EYA1: variants seen among roughly 807,000 people sequenced by gnomAD.
The protein encoded by EYA1 is protein phosphatase EYA1.
EYA1 carries 16 observed loss-of-function variants against 82.0 expected under a neutral mutation model. The observed-to-expected ratio is 0.20, with a 90% CI of 0.13 to 0.30. The LOEUF (loss-of-function observed/expected upper bound fraction) is 0.30, where lower values mean the gene tolerates loss of function less well. Among genes scored for constraint, EYA1 ranks in the 10% least tolerant of loss-of-function variants. EYA1 has a pLI of 1.00. For missense variants in EYA1, 633 were observed against 730.7 expected (o/e 0.87, Z 1.54); for synonymous variants, 261 against 264.4 (o/e 0.99, Z 0.12).
intron 2 of EYA1, 51 bp from the exon 3 acceptor site, chr8:71,354,960 AC>A: frequency 6.3e-7 from 1 of 1,584,226 alleles, no homozygotes; most frequent in Non-Finnish European, 8.7e-7. Flanking sequence ...TCATAACACC[AC>A]CATTTAATGC....
chr8:71,457,063 A>AC (rs1346459952), intron 2 of EYA1, among the ~76,000 whole-genome samples: 3 of 152,208 alleles, frequency 2.0e-5, no homozygotes, highest in African/African-American at 7.2e-5. Context: ...CAAATTTACA[A>AC]GAAAAAAACA....
chr8:71,247,640 A>T (rs1250965380), intron 11 of EYA1, among the ~76,000 whole-genome samples: 1 of 152,200 alleles, frequency 6.6e-6, no homozygotes, highest in African/African-American at 2.4e-5. Context: ...AATTACTGTA[A>T]AGAAAAACTA....
intron 9 of EYA1, among the ~76,000 whole-genome samples, chr8:71,285,763 C>T (rs544863195): frequency 4.4e-4 from 67 of 152,298 alleles, no homozygotes; most frequent in African/African-American, 1.6e-3. Context: ...GTAAGTGCTT[C>T]CTGAGCATGT....
At chr8:71,202,345 T>C (rs1807143839) in intron 17 of EYA1, among the ~76,000 whole-genome samples, 1 of 152,184 alleles carries the variant, frequency 6.6e-6, no homozygotes, top group East Asian at 1.9e-4. Flanking sequence ...GCTGTGTGTC[T>C]CATCTGTACA....
chr8:71,423,621 C>G (rs1349467297), intron 2 of EYA1, among the ~76,000 whole-genome samples: 1 of 152,130 alleles, frequency 6.6e-6, no homozygotes, highest in Non-Finnish European at 1.5e-5. Context: ...GATTAGTCAT[C>G]CACGACCGAT....
intron 2 of EYA1, chr8:71,529,987 A>G (rs1376979813): frequency 6.6e-6 from 1 of 152,210 alleles, no homozygotes; most frequent in Non-Finnish European, 1.5e-5. Context: ...TTTAGGCCTC[A>G]CACTCTTATT....
intron 1 of EYA1, chr8:71,356,725 G>C (rs989193128): frequency 4.1e-6 from 5 of 1,216,382 alleles, no homozygotes; most frequent in African/African-American, 1.6e-5. Flanking sequence ...CCCCTTGTCA[G>C]GGGGGGAAGG....
intron 1 of EYA1, chr8:71,356,760 C>T: frequency 8.4e-7 from 1 of 1,189,722 alleles, no homozygotes; most frequent in Non-Finnish European, 1.0e-6. Context: ...GATAGTGATT[C>T]ATCACTGGCC....
intron 2 of EYA1, among the ~76,000 whole-genome samples, chr8:71,514,260 T>G (rs532890513): frequency 4.3e-4 from 65 of 152,272 alleles, no homozygotes; most frequent in Middle Eastern, 3.4e-3. Flanking sequence ...TAAGTTGATA[T>G]AACTTGTAAA....
intron 1 of EYA1, among the ~76,000 whole-genome samples, chr8:71,546,510 TA>T (rs1337326422): frequency 7.9e-6 from 1 of 126,326 alleles, no homozygotes; most frequent in African/African-American, 3.5e-5. Flanking sequence ...TACTGATTCT[TA>T]TTTTTTTTTT....
upstream of EYA1, among the ~76,000 whole-genome samples, chr8:71,365,708 C>A (rs1426562075): frequency 6.6e-6 from 1 of 152,188 alleles, no homozygotes; most frequent in African/African-American, 2.4e-5. Context: ...GTCTGGATGG[C>A]TGACACTATG....
At chr8:71,389,568 A>G (rs190535861) in intron 2 of EYA1, among the ~76,000 whole-genome samples, 18 of 152,340 alleles carry the variant, frequency 1.2e-4, no homozygotes, top group African/African-American at 3.4e-4. Flanking sequence ...TAGAGCTTTT[A>G]CTAGACTTGA....
chr8:71,470,738 G>A (rs945501228), intron 2 of EYA1: 1 of 338,966 alleles, frequency 3.0e-6, no homozygotes, highest in Non-Finnish European at 5.8e-6. Flanking sequence ...AAGGATTAAG[G>A]GGGAAAACAT....
intron 2 of EYA1, among the ~76,000 whole-genome samples, chr8:71,494,619 T>C (rs1324261065): frequency 6.6e-6 from 1 of 152,114 alleles, no homozygotes; most frequent in Non-Finnish European, 1.5e-5. Flanking sequence ...TGTGAATAAT[T>C]TGCTCGGTTT....
chr8:71,351,732 C>T (rs1826327983), intron 3 of EYA1, among the ~76,000 whole-genome samples: 1 of 152,162 alleles, frequency 6.6e-6, no homozygotes, highest in African/African-American at 2.4e-5. Flanking sequence ...TGGCAGCAGA[C>T]TTAAGAAGAA....
chr8:71,463,375 T>G (rs891503271), intron 2 of EYA1, among the ~76,000 whole-genome samples: 3 of 152,208 alleles, frequency 2.0e-5, no homozygotes, highest in South Asian at 2.1e-4. Context: ...CTTGTAAACC[T>G]GAGTTCATTT....
chr8:71,474,057 T>C (rs1809454120), intron 2 of EYA1, among the ~76,000 whole-genome samples: 1 of 150,828 alleles, frequency 6.6e-6, no homozygotes, highest in Non-Finnish European at 1.5e-5. Context: ...TATTGGGGGG[T>C]GCATAGAAGA....
At chr8:71,534,051 C>A (rs1421654929) in intron 2 of EYA1, among the ~76,000 whole-genome samples, 6 of 152,166 alleles carry the variant, frequency 3.9e-5, no homozygotes, top group Non-Finnish European at 8.8e-5. Context: ...TTAATATCTT[C>A]TGTCTTAAAT....
chr8:71,453,314 G>A (rs906050210), intron 2 of EYA1, among the ~76,000 whole-genome samples: 9 of 152,274 alleles, frequency 5.9e-5, no homozygotes, highest in South Asian at 4.2e-4. Flanking sequence ...TGATAGTGAC[G>A]GGGAGAATGG....
Sources: gnomAD v4.1 joint callset for allele counts (sites outside exome capture counted in the v4.1 genomes callset) on GRCh38, gnomAD v4.1.1 for gene constraint, MANE v1.5 for transcripts, NCBI Gene and HGNC (gene_info 2026-07-23, HGNC 2026-07-21) for gene names.